Variants in MRPL3 observed in about 807,000 individuals in gnomAD.
The protein encoded by MRPL3 is large ribosomal subunit protein uL3m.
In MRPL3, 43 loss-of-function variants were observed where a neutral mutation model predicts 44.3. The observed-to-expected ratio is 0.97, with a 90% CI of 0.76 to 1.25. MRPL3 has a LOEUF of 1.25. Among genes scored for constraint, MRPL3 ranks in the 50% most tolerant of loss-of-function variants. The pLI, the probability that MRPL3 is intolerant of heterozygous loss-of-function variation, is 0.00. For missense variants in MRPL3, 406 were observed against 427.6 expected (o/e 0.95, Z 0.45); for synonymous variants, 171 against 152.3 (o/e 1.12, Z -0.91).
At chr3:131,470,813 A>T (rs1933725170) in intron 7 of MRPL3, among the ~76,000 whole-genome samples, 1 of 152,158 alleles carries the variant, frequency 6.6e-6, no homozygotes, top group Non-Finnish European at 1.5e-5. Flanking sequence ...TCCATTATCA[A>T]TACATTTACT....
intron 6 of MRPL3, among the ~76,000 whole-genome samples, chr3:131,484,668 A>T (rs1304063296): frequency 6.6e-6 from 1 of 152,218 alleles, no homozygotes; most frequent in Non-Finnish European, 1.5e-5. Flanking sequence ...GGCAGTGGCA[A>T]CTAGGGCTGT....
intron 1 of MRPL3, 104 bp from the exon 2 acceptor site, chr3:131,501,819 G>T: frequency 6.3e-7 from 1 of 1,596,262 alleles, no homozygotes; most frequent in Admixed American, 1.7e-5. Flanking sequence ...TCAGGGCCTT[G>T]GGAAAGGGCT....
chr3:131,463,380 C>CAA (rs34853974), intron 9 of MRPL3, among the ~76,000 whole-genome samples: 43 of 126,300 alleles, frequency 3.4e-4, no homozygotes, highest in African/African-American at 9.0e-4. Flanking sequence ...GTCACATGGT[C>CAA]AAAAAAAAAA....
rs1934497398 is a variant in MRPL3 at position 131,501,563 on chromosome 3, T to C, written c.245A>G (p.Asp82Gly). Residue 82 changes from aspartate to glycine, a missense_variant, in exon 2 of 10, where the codon GAT (aspartate) becomes GGT (glycine). Asp to Gly is a moderately conservative substitution (Grantham distance 94). Coordinates refer to ENST00000264995, the MANE Select transcript of MRPL3 (RefSeq NM_007208.4). ...QLASKLCPLK[D>G]EPWPIHPWEP... is the part of the protein sequence containing the mutation. Reference sequence around the variant, plus strand: ...CCAAGGATGTATAGGCCATGGTTCATCTTTCAGAGGACACAGTTTACTTGC... The same window carrying C: ...CCAAGGATGTATAGGCCATGGTTCACCTTTCAGAGGACACAGTTTACTTGC... 6.2e-7 allele frequency: 1 copy of C among 1,611,942 alleles called. No individual in the cohort carries two copies. Among genetic ancestry groups the C allele is most frequent in the South Asian group, 1.1e-5 (1 of 90,972 alleles).
At chr3:131,486,586 A>G (rs1174656696) in intron 6 of MRPL3, among the ~76,000 whole-genome samples, 1 of 152,048 alleles carries the variant, frequency 6.6e-6, no homozygotes, top group Non-Finnish European at 1.5e-5. Flanking sequence ...TAATATCCAG[A>G]ATCTACAAAG....
At chr3:131,473,712 TAA>T (rs954157129) in intron 6 of MRPL3, among the ~76,000 whole-genome samples, 1 of 149,632 alleles carries the variant, frequency 6.7e-6, no homozygotes, top group Admixed American at 6.7e-5. Flanking sequence ...CTCAAACAAC[TAA>T]AAAAAAACCC....
intron 6 of MRPL3, among the ~76,000 whole-genome samples, chr3:131,479,782 T>G (rs1369985335): frequency 6.6e-6 from 1 of 152,132 alleles, no homozygotes; most frequent in East Asian, 1.9e-4. Flanking sequence ...GAGGCAGAGT[T>G]TGCAGTAAGC....
intron 6 of MRPL3, among the ~76,000 whole-genome samples, chr3:131,480,089 C>A (rs1933946831): frequency 6.6e-6 from 1 of 152,230 alleles, no homozygotes; most frequent in Non-Finnish European, 1.5e-5. Context: ...AGCTAGCTGA[C>A]AATCTCCCTC....
intron 8 of MRPL3, among the ~76,000 whole-genome samples, chr3:131,468,874 G>T (rs1018594106): frequency 1.3e-5 from 2 of 151,912 alleles, no homozygotes; most frequent in Non-Finnish European, 2.9e-5. Context: ...TATATAAAAG[G>T]TATGCAGAAT....
chr3:131,479,275 G>C (rs1356560814), intron 6 of MRPL3: 1 of 496,322 alleles, frequency 2.0e-6, no homozygotes, highest in African/African-American at 2.0e-5. Flanking sequence ...GCTCTAAGAA[G>C]TTTAAGTGAC....
At chr3:131,498,353 C>G (rs1449081673) in intron 3 of MRPL3, 76 bp from the exon 4 acceptor site, 2 of 879,606 alleles carry the variant, frequency 2.3e-6, no homozygotes, top group African/African-American at 3.4e-5. Flanking sequence ...CCATTGAGAC[C>G]TTAGGACAAA....
intron 6 of MRPL3, among the ~76,000 whole-genome samples, chr3:131,473,556 T>C (rs1394320905): frequency 6.6e-6 from 1 of 151,266 alleles, no homozygotes; most frequent in Non-Finnish European, 1.5e-5. Context: ...TACATCAAAC[T>C]CAAAAGCTTT....
chr3:131,480,581 C>A (rs1453297076), intron 6 of MRPL3, among the ~76,000 whole-genome samples: 1 of 152,176 alleles, frequency 6.6e-6, no homozygotes, highest in East Asian at 1.9e-4. Context: ...TTTAATAGTA[C>A]AAAGAGTCAA....
intron 8 of MRPL3, among the ~76,000 whole-genome samples, chr3:131,468,933 G>T (rs1933680124): frequency 6.6e-6 from 1 of 151,924 alleles, no homozygotes; most frequent in African/African-American, 2.4e-5. Context: ...TTGTCTTTGG[G>T]TATTGTTCTT....
intron 6 of MRPL3, among the ~76,000 whole-genome samples, chr3:131,482,725 G>C (rs1006191323): frequency 6.6e-6 from 1 of 151,984 alleles, no homozygotes; most frequent in Non-Finnish European, 1.5e-5. Context: ...AACATTTTAA[G>C]TACCTGAAGT....
intron 6 of MRPL3, among the ~76,000 whole-genome samples, chr3:131,485,061 C>T (rs141537868): frequency 1.8e-3 from 268 of 152,228 alleles, no homozygotes; most frequent in Non-Finnish European, 3.1e-3. Context: ...CTGGTTGTTC[C>T]CCCAACTCTT....
intron 9 of MRPL3, among the ~76,000 whole-genome samples, chr3:131,464,111 A>G (rs574834738): frequency 6.6e-6 from 1 of 152,210 alleles, no homozygotes; most frequent in East Asian, 1.9e-4. Flanking sequence ...GAAGGGAAAA[A>G]GTCATATTCT....
intron 6 of MRPL3, among the ~76,000 whole-genome samples, chr3:131,480,273 CA>C (rs761963030): frequency 2.0e-5 from 3 of 152,174 alleles, no homozygotes; most frequent in African/African-American, 7.2e-5. Flanking sequence ...CTACCCAATT[CA>C]GTGTTGCTGT....
chr3:131,473,205 T>C (rs1015614021), intron 6 of MRPL3, among the ~76,000 whole-genome samples: 1 of 151,984 alleles, frequency 6.6e-6, no homozygotes, highest in African/African-American at 2.4e-5. Context: ...GCTACTGGCA[T>C]AAAAACAGAC....
Sources: gnomAD v4.1 joint callset for allele counts (sites outside exome capture counted in the v4.1 genomes callset) on GRCh38, gnomAD v4.1.1 for gene constraint, MANE v1.5 for transcripts, NCBI Gene and HGNC (gene_info 2026-07-23, HGNC 2026-07-21) for gene names.